The following LYVE1 variants were observed in gnomAD, a reference collection of about 807,000 sequenced individuals.
The protein encoded by LYVE1 is lymphatic vessel endothelial hyaluronic acid receptor 1.
In LYVE1, 29 loss-of-function variants were observed where a neutral mutation model predicts 31.5. The ratio of observed to expected loss-of-function variants is 0.92; its 90% CI spans 0.69 to 1.26. The LOEUF (loss-of-function observed/expected upper bound fraction) is 1.26. Among genes scored for constraint, LYVE1 ranks in the 50% most tolerant of loss-of-function variants. The pLI, the probability that LYVE1 is intolerant of heterozygous loss-of-function variation, is 0.00. For synonymous variants in LYVE1, 134 were observed against 139.4 expected, an observed-to-expected ratio of 0.96 and a Z score of 0.27; for missense variants, 376 against 380.2, an observed-to-expected ratio of 0.99 and a Z score of 0.09.
intron 5 of LYVE1, 33 bp from the exon 6 acceptor site, chr11:10,559,330 A>T (rs778944413): frequency 6.4e-7 from 1 of 1,555,526 alleles, no homozygotes; most frequent in Non-Finnish European, 8.8e-7. Flanking sequence ...AAAGTGAGAG[A>T]CTCTCACACA....
In LYVE1 at chr11:10,557,969, T is replaced by C. The variant is rs1243897070; in HGVS notation, c.*1142A>G. On this transcript the variant is annotated 3_prime_UTR_variant, in exon 6 of 6. Transcript: ENST00000256178. ...CTAGTGATACATTTGTTAATGGCAC[T>C]TTTAAAATGTGCTTTGGTATATAGA... 1 of 152,224 alleles carries C rather than the reference T, an allele frequency of 6.6e-6. No homozygotes were observed. Among genetic ancestry groups the C allele is most frequent in the Non-Finnish European group, 1.5e-5 (1 of 68,040 alleles). 9.4% of individuals were successfully genotyped at this position (152,224 alleles called of 1,614,324 possible).
Position 10,564,373 on chromosome 11 carries a change from CTCTGCAAAGG to C in LYVE1, c.86-9_86del. 2 of 1,612,664 alleles carry C rather than the reference CTCTGCAAAGG, an allele frequency of 1.2e-6. No individual in the cohort carries two copies. The highest frequency in any genetic ancestry group is 1.7e-6 in the Non-Finnish European group (2 of 1,179,288). ...TTCTGCATGACACCTGGATGGAAAGCTCTGCAAAGGAATCACATAGGTCCTCAGTTTGCTG... is the reference window on the plus strand; with the variant it reads ...TTCTGCATGACACCTGGATGGAAAGCAATCACATAGGTCCTCAGTTTGCTG... On this transcript the variant is annotated splice_acceptor_variant and splice_polypyrimidine_tract_variant and coding_sequence_variant and intron_variant, in exon 2 of 6. Transcript: ENST00000256178. LOFTEE classifies it high-confidence loss of function.
chr11:10,560,510 C>A lies in LYVE1; in HGVS notation c.688G>T (p.Ala230Ser). ...VENKAAFKNE[A>S]AGFGGVPTAL... ...AACCATTTACCTCCAAACCCAGCAG[C>A]TTCATTCTTGAATGCTGCTTTATTT... Residue 230 changes from alanine to serine, a missense_variant, in exon 4 of 6, where the codon GCT becomes TCT. Coordinates refer to ENST00000256178, the MANE Select transcript of LYVE1 (RefSeq NM_006691.4). 1 of 1,608,152 alleles carries A rather than the reference C, an allele frequency of 6.2e-7. No individual in the cohort carries two copies. The highest frequency in any genetic ancestry group is 8.5e-7 in the Non-Finnish European group (1 of 1,176,246).
Position 10,557,370 on chromosome 11 carries a change from T to A in LYVE1, c.*1741A>T, listed in dbSNP as rs1476823314. On this transcript the variant is annotated 3_prime_UTR_variant, in exon 6 of 6. Coordinates refer to ENST00000256178, the MANE Select transcript of LYVE1 (RefSeq NM_006691.4). ...CCCAGAAATGTAACCATGTGAAATC[T>A]CTTGATTTTTAATGCCTGGAAATGA... is the stretch of plus-strand genomic sequence containing the variant. 1 of 152,226 alleles carries A rather than the reference T, an allele frequency of 6.6e-6. No homozygotes were observed. The highest frequency in any genetic ancestry group is 1.5e-5 in the Non-Finnish European group (1 of 68,038). The allele number at this position is 152,226 out of a possible 1,614,324, so 9.4% of individuals were successfully genotyped here.
In LYVE1 at chr11:10,562,946, CTTTTTTTTTTTT is replaced by C. The variant is rs71034774; in HGVS notation, c.397+982_397+993del. Among the ~76,000 whole-genome samples, 272 of 79,492 alleles carry C rather than the reference CTTTTTTTTTTTT, an allele frequency of 3.4e-3. 1 individual carries two copies. The highest frequency in any genetic ancestry group is 4.8e-3 in the Non-Finnish European group (210 of 43,542). 52.1% of individuals were successfully genotyped at this position (79,492 alleles called of 152,430 possible). ...TGTTTACATCCTTTGAACTCGGTTT[CTTTTTTTTTTTT>C]TTTTTTTTTTTTTGAGACGGAGTCT... is the stretch of plus-strand genomic sequence containing the variant. On this transcript the variant is annotated intron_variant, in intron 3 of 5. Transcript: ENST00000256178.
At position 10,560,810 on chromosome 11, in the gene LYVE1, T is replaced by A. The variant is rs767004446; in HGVS notation, c.398-10A>T. ...GAGTTAGTCCAAGTATCTGTTGGGA[T>A]AGGGAAACATGGAATAAAAGTATTG... On this transcript the variant is annotated splice_polypyrimidine_tract_variant and intron_variant, in intron 3 of 5. Coordinates refer to ENST00000256178, the MANE Select transcript of LYVE1 (RefSeq NM_006691.4). The A allele has an allele frequency of 6.3e-7, 1 of 1,595,248 alleles. No homozygotes were observed. The highest frequency in any genetic ancestry group is 8.6e-7 in the Non-Finnish European group (1 of 1,167,138).
Position 10,564,281 on chromosome 11 carries a change from G to T in LYVE1, c.179C>A (p.Ala60Asp), listed in dbSNP as rs143843236. ...QQLNFTEAKE[A>D]CRLLGLSLAG... Reference sequence around the variant, plus strand: ...CAAACTTAGTCCCAGCAGCCTACAGGCCTCCTTAGCTTCTGTGAAATTCAG... The same window carrying T: ...CAAACTTAGTCCCAGCAGCCTACAGTCCTCCTTAGCTTCTGTGAAATTCAG... The change falls in exon 2 of 6, where the codon GCC becomes GAC. Residue 60 changes from alanine (A) to aspartate (D), a missense_variant. Ala to Asp is a moderately radical substitution (Grantham distance 126). Coordinates refer to ENST00000256178, the MANE Select transcript of LYVE1 (RefSeq NM_006691.4). 1.3e-4 allele frequency: 212 copies of T among 1,614,158 alleles called. No homozygotes were observed. The highest frequency in any genetic ancestry group is 1.7e-4 in the Non-Finnish European group (200 of 1,180,024).
At chr11:10,562,946 CTTTTTTTTTTT>C (rs71034774) in intron 3 of LYVE1, among the ~76,000 whole-genome samples, 4 of 79,456 alleles carry the variant, frequency 5.0e-5, no homozygotes, top group Admixed American at 1.9e-4. Context: ...AACTCGGTTT[CTTTTTTTTTTT>C]TTTTTTTTTT....
Position 10,558,980 on chromosome 11 carries a change from C to G in LYVE1, c.*131G>C. 1 of 793,602 alleles carries G rather than the reference C, an allele frequency of 1.3e-6. No homozygotes were observed. The highest frequency in any genetic ancestry group is 2.1e-6 in the Non-Finnish European group (1 of 481,306). 49.2% of individuals were successfully genotyped at this position (793,602 alleles called of 1,614,324 possible). ...TCCATAGTCCAATGGCAGTCCTGAG[C>G]TGATTCCAGTTAGGAACCAAGGGTG... On this transcript the variant is annotated 3_prime_UTR_variant, in exon 6 of 6. Transcript: ENST00000256178.
Position 10,565,481 on chromosome 11 carries a change from C to T in LYVE1, c.86-1107G>A, listed in dbSNP as rs778794968. Among the ~76,000 whole-genome samples the T allele has an allele frequency of 1.4e-4, 21 of 152,288 alleles. No individual in the cohort carries two copies. The East Asian group carries it at 1.5e-3, about 11-fold the overall frequency. On this transcript the variant is annotated intron_variant, in intron 1 of 5. Coordinates refer to ENST00000256178, the MANE Select transcript of LYVE1 (RefSeq NM_006691.4). The stretch of plus-strand genomic sequence containing the variant: ...TAAATCTCTCAAGTAATTGCTTGTA[C>T]GCAGCTCTGTGTATTGGATGCTCAG...
Position 10,560,527 on chromosome 11 carries a change from G to A in LYVE1, c.671C>T (p.Ala224Val), listed in dbSNP as rs746598821. ...TETEPFVENK[A>V]AFKNEAAGFG... is the part of the protein sequence containing the mutation. ...CCCAGCAGCTTCATTCTTGAATGCT[G>A]CTTTATTTTCAACAAATGGTTCAGT... is the stretch of plus-strand genomic sequence containing the variant. The change falls in exon 4 of 6, where the codon GCA becomes GTA. Residue 224 changes from alanine (A) to valine (V), a missense_variant. Ala to Val is a moderately conservative substitution (Grantham distance 64). Transcript: ENST00000256178. 2 of 1,611,984 alleles carry A rather than the reference G, an allele frequency of 1.2e-6. No individual in the cohort carries two copies. The highest frequency in any genetic ancestry group is 2.2e-5 in the South Asian group (2 of 90,808).
At position 10,560,639 on chromosome 11, in the gene LYVE1, C is replaced by G; in HGVS notation, c.559G>C (p.Ala187Pro). ...CGTGGAATAGAAGTGGAAGCTGGAG[C>G]AGGAGGAGTAGTAGTAGGGGCAGGT... is the stretch of plus-strand genomic sequence containing the variant. The part of the protein sequence containing the change: ...TIPAPTTTPP[A>P]PASTSIPRRK... Residue 187 changes from alanine to proline, a missense_variant, in exon 4 of 6, where the codon GCT becomes CCT. Transcript: ENST00000256178. 1.2e-6 allele frequency: 2 copies of G among 1,614,056 alleles called. No homozygotes were observed. Among genetic ancestry groups the G allele is most frequent in the African/African-American group, 1.3e-5 (1 of 75,006 alleles).
In LYVE1 at chr11:10,559,946, TA is replaced by T. The variant is rs749197330; in HGVS notation, c.704-53del. 2.4e-6 allele frequency: 3 copies of T among 1,264,936 alleles called. No individual in the cohort carries two copies. The South Asian group carries it at 3.6e-5, about 15-fold the overall frequency. The allele number at this position is 1,264,936 out of a possible 1,614,324, so 78.4% of individuals were successfully genotyped here. A position where few individuals can be genotyped will look rare whatever the true frequency, so the allele number is the denominator to read the frequency against. On this transcript the variant is annotated intron_variant, in intron 4 of 5. Coordinates refer to ENST00000256178, the MANE Select transcript of LYVE1 (RefSeq NM_006691.4). ...TGGTCCTTCACTTAAACATTGTGTG[TA>T]ATGCTCATTGCATGATCCAGGTGAT... is the stretch of plus-strand genomic sequence containing the variant.
intron 3 of LYVE1, 47 bp downstream of exon 3, chr11:10,563,893 G>C (rs753580417): frequency 1.9e-6 from 3 of 1,610,076 alleles, no homozygotes; most frequent in Non-Finnish European, 2.5e-6. Context: ...CTCAGAGTGA[G>C]AGATACCCAG....
chr11:10,560,034 C>T (rs1156995689), intron 4 of LYVE1, 140 bp from the exon 5 acceptor site: 1 of 586,792 alleles, frequency 1.7e-6, no homozygotes, highest in African/African-American at 1.9e-5. Context: ...ATTGGGCCCA[C>T]ACCAGCTTCT....
chr11:10,564,170 C>T, intron 2 of LYVE1, 33 bp downstream of exon 2: 1 of 1,613,868 alleles, frequency 6.2e-7, no homozygotes, highest in South Asian at 1.1e-5. Flanking sequence ...AAAAAGAACT[C>T]CAGCAGTGAC....
intron 1 of LYVE1, among the ~76,000 whole-genome samples, chr11:10,568,075 C>T (rs571227330): frequency 5.9e-5 from 9 of 152,156 alleles, no homozygotes; most frequent in South Asian, 4.2e-4. Flanking sequence ...TGAGGCAGGA[C>T]GATCACTTGA....
chr11:10,568,585 T>G lies in LYVE1; in HGVS notation c.-53A>C. ...ACACCTCAGATGGCCACTGGTGATA[T>G]GAGAGGCAGATGCTCAATAACTAGT... On this transcript the variant is annotated 5_prime_UTR_variant, in exon 1 of 6. Coordinates refer to ENST00000256178, the MANE Select transcript of LYVE1 (RefSeq NM_006691.4). The G allele has an allele frequency of 6.3e-7, 1 of 1,588,466 alleles. No individual in the cohort carries two copies. Among genetic ancestry groups the G allele is most frequent in the South Asian group, 1.1e-5 (1 of 88,726 alleles).
chr11:10,563,950 G>T lies in LYVE1; in HGVS notation c.387C>A (p.Tyr129Ter), dbSNP rs773508257. 1.2e-6 allele frequency: 2 copies of T among 1,614,064 alleles called. No individual in the cohort carries two copies. The highest frequency in any genetic ancestry group is 1.7e-6 in the Non-Finnish European group (2 of 1,180,048). The change falls in exon 3 of 6, where the codon TAC becomes TAA. Residue 129 changes from tyrosine to a stop codon, truncating the protein, a stop_gained. Transcript: ENST00000256178. LOFTEE classifies it high-confidence loss of function. ...PVSRQFAAYC[Y>*]NSSDTWTNSC... is the part of the protein sequence containing the mutation. ...GCAGATCAGACTCACCAGATGAGTT[G>T]TAACAATAGGCTGCAAACTGTCGGC...
Sources: allele counts gnomAD v4.1 joint callset (sites outside exome capture counted in the v4.1 genomes callset), GRCh38; gene constraint gnomAD v4.1.1; transcripts MANE v1.5; gene names NCBI Gene and HGNC (gene_info 2026-07-23, HGNC 2026-07-21).